Variants in SPATA31C2 observed in about 807,000 individuals in gnomAD.
SPATA31C2 encodes the protein SPATA31 subfamily C member 2, also known as spermatogenesis-associated protein 31C2.
SPATA31C2 carries 5 observed loss-of-function variants against 11.4 expected under a neutral mutation model. The observed-to-expected ratio is 0.44, with a 90% CI of 0.23 to 0.92. The LOEUF (loss-of-function observed/expected upper bound fraction) is 0.92, where lower values mean the gene tolerates loss of function less well. Ranked by LOEUF, SPATA31C2 falls within the 40% of genes least tolerant of loss-of-function variation. The pLI is 0.24. For synonymous variants in SPATA31C2, 515 were observed against 538.7 expected (o/e 0.96, Z 0.61); for missense variants, 1,353 against 1,368.6 (o/e 0.99, Z 0.18).
Position 88,133,676 on chromosome 9 carries a change from G to C in SPATA31C2, c.190-7C>G, listed in dbSNP as rs1317416842. 6.2e-7 allele frequency: 1 copy of C among 1,604,414 alleles called. No homozygotes were observed. The highest frequency in any genetic ancestry group is 8.5e-7 in the Non-Finnish European group (1 of 1,173,834). Reference sequence around the variant, plus strand: ...GCTGGGAGACAAGATGACGCTGGGAGACAAGAAATGGCGAGGAGCTAGGAC... The same window carrying C: ...GCTGGGAGACAAGATGACGCTGGGACACAAGAAATGGCGAGGAGCTAGGAC... On this transcript the variant is annotated splice_region_variant and splice_polypyrimidine_tract_variant and intron_variant, in intron 1 of 3. Transcript: ENST00000324915.
At position 88,130,878 on chromosome 9, in the gene SPATA31C2, A is replaced by G; in HGVS notation, c.2159T>C (p.Leu720Pro). The G allele has an allele frequency of 6.2e-7, 1 of 1,613,794 alleles. No individual in the cohort carries two copies. The highest frequency in any genetic ancestry group is 8.5e-7 in the Non-Finnish European group (1 of 1,179,876). The change falls in exon 4 of 4, where the codon CTG (leucine) becomes CCG (proline). Residue 720 changes from leucine to proline, a missense_variant. This residue lies in a region of SPATA31C2 where 1,075 missense variants were observed against 992.8 expected (regional missense o/e 1.08). Coordinates refer to ENST00000324915, the MANE Select transcript of SPATA31C2 (RefSeq NM_001350978.3). ...TGGCATGTGAACAGATGGTTTGGTC[A>G]GCACCTGCTTTCTCAGACTTGCCAT... ...PPMASLRKQV[L>P]TKPSVHMPER...
intron 1 of SPATA31C2, among the ~76,000 whole-genome samples, chr9:88,137,395 C>T (rs1285992489): frequency 6.8e-6 from 1 of 146,592 alleles, no homozygotes; most frequent in Admixed American, 7.3e-5. Flanking sequence ...GAGGCTGAGG[C>T]AGGTGGATCA....
Position 88,132,634 on chromosome 9 carries a change from T to C in SPATA31C2, c.403A>G (p.Arg135Gly), listed in dbSNP as rs769031404. Reference protein sequence around the residue: ...GPDPPGEVGKRTPDGASRSSH... With the variant: ...GPDPPGEVGKGTPDGASRSSH... ...GACCGGGAGGCTCCATCAGGTGTTC[T>C]TTTGCCCACCTCACCTGGCGGGTCT... Residue 135 changes from arginine to glycine, a missense_variant, in exon 4 of 4, where the codon AGA becomes GGA. By Grantham distance (125) the Arg-to-Gly change is moderately radical. This residue lies in a region of SPATA31C2 where 1,075 missense variants were observed against 992.8 expected (regional missense o/e 1.08). Coordinates refer to ENST00000324915, the MANE Select transcript of SPATA31C2 (RefSeq NM_001350978.3). 26 of 1,609,360 alleles carry C rather than the reference T, an allele frequency of 1.6e-5. No homozygotes were observed. Among genetic ancestry groups the C allele is most frequent in the Non-Finnish European group, 5.1e-6 (6 of 1,177,424 alleles).
chr9:88,131,922 A>G lies in SPATA31C2; in HGVS notation c.1115T>C (p.Met372Thr). 1 of 1,610,484 alleles carries G rather than the reference A, an allele frequency of 6.2e-7. No individual in the cohort carries two copies. The highest frequency in any genetic ancestry group is 2.2e-5 in the East Asian group (1 of 44,774). The change falls in exon 4 of 4, where the codon ATG becomes ACG. Residue 372 changes from methionine (M) to threonine (T), a missense_variant. Met to Thr is a moderately conservative substitution (Grantham distance 81). Around this residue, in one of 6 missense-constraint regions of SPATA31C2, gnomAD observed 1,075 missense variants for 992.8 expected, o/e 1.08. Coordinates refer to ENST00000324915, the MANE Select transcript of SPATA31C2 (RefSeq NM_001350978.3). Reference protein sequence around the residue: ...PVLSPAFLSPMKNTGVACPAS... With the variant: ...PVLSPAFLSPTKNTGVACPAS... ...AGGGCAAGCTACTCCAGTGTTCTTC[A>G]TCGGGGATAGAAAAGCAGGAGATAG...
At chr9:88,133,769 G>T (rs1353394747) in intron 1 of SPATA31C2, 100 bp from the exon 2 acceptor site, 1 of 1,417,158 alleles carries the variant, frequency 7.1e-7, no homozygotes, top group Non-Finnish European at 9.5e-7. Context: ...GGCTCTGTCT[G>T]TCTTGCTCAG....
At position 88,131,983 on chromosome 9, in the gene SPATA31C2, C is replaced by T. The variant is rs536534750; in HGVS notation, c.1054G>A (p.Glu352Lys). ...GAGGATTGAAGATGGGCCTGAGCCT[C>T]GGCCTGAGCCATAGGTGTGGGCCAG... ...QFWPTPMAQA[E>K]AQAHLQSSFP... Residue 352 changes from glutamate (E) to lysine (K), a missense_variant, in exon 4 of 4, where the codon GAG becomes AAG. Glu to Lys is a moderately conservative substitution (Grantham distance 56, BLOSUM62 1). Coordinates refer to ENST00000324915, the MANE Select transcript of SPATA31C2 (RefSeq NM_001350978.3). 1.6e-4 allele frequency: 255 copies of T among 1,610,798 alleles called. No individual in the cohort carries two copies. The highest frequency in any genetic ancestry group is 1.6e-3 in the African/African-American group (118 of 74,890).
rs762894104 is a variant in SPATA31C2 at position 88,131,345 on chromosome 9, T to G, written c.1692A>C (p.Leu564Phe). Reference protein sequence around the residue: ...PLRSDSGSDLLRRTERNHIEN... With the variant: ...PLRSDSGSDLFRRTERNHIEN... ...CTATATGATTCCTCTCTGTGCGTCTTAATAAATCACTTCCTGAGTCACTCC... is the reference window on the plus strand; with the variant it reads ...CTATATGATTCCTCTCTGTGCGTCTGAATAAATCACTTCCTGAGTCACTCC... Residue 564 changes from leucine (L) to phenylalanine (F), a missense_variant, in exon 4 of 4, where the codon TTA becomes TTC. This residue lies in a region of SPATA31C2 where 1,075 missense variants were observed against 992.8 expected (regional missense o/e 1.08). Coordinates refer to ENST00000324915, the MANE Select transcript of SPATA31C2 (RefSeq NM_001350978.3). 1.2e-6 allele frequency: 2 copies of G among 1,611,934 alleles called. No individual in the cohort carries two copies. Among genetic ancestry groups the G allele is most frequent in the Non-Finnish European group, 1.7e-6 (2 of 1,179,856 alleles).
chr9:88,136,020 G>A (rs1825675808), intron 1 of SPATA31C2, among the ~76,000 whole-genome samples: 2 of 134,600 alleles, frequency 1.5e-5, no homozygotes, highest in African/African-American at 2.9e-5. Flanking sequence ...TGCAACCTGT[G>A]CCTCCTGGGT....
Position 88,132,656 on chromosome 9 carries a change from G to A in SPATA31C2, c.381C>T (p.Asp127=). ...KGDFGQLSGP[D]PPGEVGKRTP... is the part of the protein sequence containing the mutation. ...TTCTTTTGCCCACCTCACCTGGCGG[G>A]TCTGGACCAGAGAGCTGACCAAAGT... The change falls in exon 4 of 4, where the codon GAC becomes GAT. Residue 127 remains aspartate (D), a synonymous_variant. Transcript: ENST00000324915. 6.2e-7 allele frequency: 1 copy of A among 1,608,678 alleles called. No homozygotes were observed.
chr9:88,138,304 TA>T lies in SPATA31C2; in HGVS notation c.142del (p.Tyr48ThrfsTer35). The T allele has an allele frequency of 1.4e-6, 2 of 1,393,576 alleles. No individual in the cohort carries two copies. The highest frequency in any genetic ancestry group is 1.9e-6 in the Non-Finnish European group (2 of 1,056,186). The allele number at this position is 1,393,576 out of a possible 1,614,324, so 86.3% of individuals were successfully genotyped here. ...TGAGGGTGGGTTGTCACAACGGAGGTAAGAGAAGTAGGGGAGTAATAGGAAG... is the reference window on the plus strand; with the variant it reads ...TGAGGGTGGGTTGTCACAACGGAGGTAGAGAAGTAGGGGAGTAATAGGAAG... ...FFFLLLPYFS[Y>X]LRCDNPPSPS... is the part of the protein sequence containing the mutation. On this transcript the variant is annotated frameshift_variant, in exon 1 of 4. Coordinates refer to ENST00000324915, the MANE Select transcript of SPATA31C2 (RefSeq NM_001350978.3). LOFTEE classifies it high-confidence loss of function.
Position 88,131,330 on chromosome 9 carries a change from C to A in SPATA31C2, c.1707G>T (p.Arg569Ser). The change falls in exon 4 of 4, where the codon AGG becomes AGT. Residue 569 changes from arginine to serine, a missense_variant. Arg to Ser is a moderately radical substitution (Grantham distance 110, BLOSUM62 -1). This residue lies in a region of SPATA31C2 where 1,075 missense variants were observed against 992.8 expected (regional missense o/e 1.08). Coordinates refer to ENST00000324915, the MANE Select transcript of SPATA31C2 (RefSeq NM_001350978.3). ...CTTTCAGGATGTTTTCTATATGATT[C>A]CTCTCTGTGCGTCTTAATAAATCAC... is the stretch of plus-strand genomic sequence containing the variant. ...SGSDLLRRTE[R>S]NHIENILKAH... 2 of 1,611,946 alleles carry A rather than the reference C, an allele frequency of 1.2e-6. No individual in the cohort carries two copies. The highest frequency in any genetic ancestry group is 1.7e-6 in the Non-Finnish European group (2 of 1,179,876).
In SPATA31C2 at chr9:88,131,389, T is replaced by A; in HGVS notation, c.1648A>T (p.Asn550Tyr). The part of the protein sequence containing the change: ...LGATSEESER[N>Y]LRKPLRSDSG... ...TCACTCCTCAAGGGCTTCCTCAGGT[T>A]CCTTTCCGACTCCTCAGAGGTCGCC... The change falls in exon 4 of 4, where the codon AAC (asparagine) becomes TAC (tyrosine). Residue 550 changes from asparagine to tyrosine, a missense_variant. Asn to Tyr is a moderately radical substitution (Grantham distance 143). Coordinates refer to ENST00000324915, the MANE Select transcript of SPATA31C2 (RefSeq NM_001350978.3). 6.2e-7 allele frequency: 1 copy of A among 1,611,996 alleles called. No homozygotes were observed. The highest frequency in any genetic ancestry group is 2.2e-5 in the East Asian group (1 of 44,848).
At position 88,131,261 on chromosome 9, in the gene SPATA31C2, G is replaced by T. The variant is rs748538847; in HGVS notation, c.1776C>A (p.Ile592=). Residue 592 remains isoleucine, a synonymous_variant, in exon 4 of 4, where the codon ATC becomes ATA. Coordinates refer to ENST00000324915, the MANE Select transcript of SPATA31C2 (RefSeq NM_001350978.3). The part of the protein sequence containing the change: ...RKLGQTNEGL[I]PVSVRRSWLA... Reference sequence around the variant, plus strand: ...GCCAGGATCGACGCACACTCACGGGGATCAAGCCCTCGTTGGTCTGGCCCA... The same window carrying T: ...GCCAGGATCGACGCACACTCACGGGTATCAAGCCCTCGTTGGTCTGGCCCA... 6.2e-7 allele frequency: 1 copy of T among 1,611,870 alleles called. No individual in the cohort carries two copies. The highest frequency in any genetic ancestry group is 8.5e-7 in the Non-Finnish European group (1 of 1,179,872).
In SPATA31C2 at chr9:88,129,639, T is replaced by G; in HGVS notation, c.3398A>C (p.Asp1133Ala). The G allele has an allele frequency of 1.2e-6, 2 of 1,603,118 alleles. No homozygotes were observed. The highest frequency in any genetic ancestry group is 1.7e-6 in the Non-Finnish European group (2 of 1,172,912). Residue 1133 changes from aspartate (D) to alanine (A), a missense_variant, in exon 4 of 4, where the codon GAT becomes GCT. Asp to Ala is a moderately radical substitution (Grantham distance 126, BLOSUM62 -2). Coordinates refer to ENST00000324915, the MANE Select transcript of SPATA31C2 (RefSeq NM_001350978.3). ...CCGGACACTTTTCAAGGGCTACTGA[T>G]CTCTGATTTGTCTGTCTCTGTTGGG... is the stretch of plus-strand genomic sequence containing the variant. ...SRPNRDRQIRDQ is the reference protein window; with the variant it reads ...SRPNRDRQIRAQ
chr9:88,138,205 TAAAAAG>T, intron 1 of SPATA31C2, 47 bp downstream of exon 1: 1 of 434,010 alleles, frequency 2.3e-6, no homozygotes, highest in Non-Finnish European at 3.7e-6. Flanking sequence ...GAACTAATAA[TAAAAAG>T]AAAGAAGAGA....
Position 88,129,824 on chromosome 9 carries a change from A to G in SPATA31C2, c.3213T>C (p.His1071=), listed in dbSNP as rs779838302. The G allele has an allele frequency of 5.6e-6, 9 of 1,604,460 alleles. No homozygotes were observed. Among genetic ancestry groups the G allele is most frequent in the African/African-American group, 2.7e-5 (2 of 74,676 alleles). ...GATTTACCTTCGAGGCATGGCGCGC[A>G]TGGCAAAGTGACATGTTCTCCTCCA... The part of the protein sequence containing the change: ...QILEENMSLC[H]ARHASKVNQQ... Residue 1071 remains histidine (H), a synonymous_variant, in exon 4 of 4, where the codon CAT becomes CAC. Transcript: ENST00000324915.
At position 88,133,662 on chromosome 9, in the gene SPATA31C2, A is replaced by T. The variant is rs371471334; in HGVS notation, c.197T>A (p.Leu66His). 4 of 1,596,290 alleles carry T rather than the reference A, an allele frequency of 2.5e-6. No individual in the cohort carries two copies. In the South Asian group the frequency reaches 4.4e-5, roughly 18 times the overall value. ...CCGCCCTGCTGGACGCTGGGAGACAAGATGACGCTGGGAGACAAGAAATGG... is the reference window on the plus strand; with the variant it reads ...CCGCCCTGCTGGACGCTGGGAGACATGATGACGCTGGGAGACAAGAAATGG... ...SPSPRKRKRH[L>H]VSQRPAGRRG... Residue 66 changes from leucine (L) to histidine (H), a missense_variant, in exon 2 of 4, where the codon CTT becomes CAT. Physicochemically the swap from Leu to His is moderately conservative, Grantham distance 99. Transcript: ENST00000324915.
chr9:88,131,312 G>C lies in SPATA31C2; in HGVS notation c.1725C>G (p.Ile575Met). Residue 575 changes from isoleucine to methionine, a missense_variant, in exon 4 of 4, where the codon ATC (isoleucine) becomes ATG (methionine). Coordinates refer to ENST00000324915, the MANE Select transcript of SPATA31C2 (RefSeq NM_001350978.3). ...RRTERNHIEN[I>M]LKAHMSRKLG... ...ACTTTCTGCTCATGTGGGCTTTCAGGATGTTTTCTATATGATTCCTCTCTG... is the reference window on the plus strand; with the variant it reads ...ACTTTCTGCTCATGTGGGCTTTCAGCATGTTTTCTATATGATTCCTCTCTG... 6.2e-7 allele frequency: 1 copy of C among 1,611,886 alleles called. No individual in the cohort carries two copies. The highest frequency in any genetic ancestry group is 8.5e-7 in the Non-Finnish European group (1 of 1,179,866).
In SPATA31C2 at chr9:88,132,445, G is replaced by A; in HGVS notation, c.592C>T (p.Leu198Phe). Residue 198 changes from leucine (L) to phenylalanine (F), a missense_variant, in exon 4 of 4, where the codon CTC becomes TTC. By Grantham distance (22) the Leu-to-Phe change is conservative. Coordinates refer to ENST00000324915, the MANE Select transcript of SPATA31C2 (RefSeq NM_001350978.3). ...SASQPPEPSL[L>F]LEHPSPEPPA... is the part of the protein sequence containing the mutation. Reference sequence around the variant, plus strand: ...GGCTCGGGTGAGGGATGTTCTAGGAGAAGGGAAGGTTCTGGTGGCTGGGAG... The same window carrying A: ...GGCTCGGGTGAGGGATGTTCTAGGAAAAGGGAAGGTTCTGGTGGCTGGGAG... The A allele has an allele frequency of 6.2e-7, 1 of 1,611,354 alleles. No individual in the cohort carries two copies.
Sources: gnomAD v4.1 joint callset for allele counts (sites outside exome capture counted in the v4.1 genomes callset) on GRCh38, gnomAD v4.1.1 for gene constraint, gnomAD v4.1.1 regional missense constraint, MANE v1.5 for transcripts, NCBI Gene and HGNC (gene_info 2026-07-23, HGNC 2026-07-21) for gene names.